The following MSRA variants were observed in gnomAD, a reference collection of about 807,000 sequenced individuals.
The protein encoded by MSRA is mitochondrial peptide methionine sulfoxide reductase.
In MSRA, 54 loss-of-function variants were observed where a neutral mutation model predicts 31.3. That is an observed-to-expected ratio of 1.73 (90% CI 1.39 to 2.17). MSRA has a LOEUF of 2.17. Ranked by LOEUF, MSRA falls within the 30% of genes most tolerant of loss-of-function variation. The pLI, the probability that MSRA is intolerant of heterozygous loss-of-function variation, is 0.00. For missense variants in MSRA, 507 were observed against 300.9 expected (o/e 1.69, Z -5.07); for synonymous variants, 169 against 116.5 (o/e 1.45, Z -2.90).
rs368127164 is a variant in MSRA, at chr8:10,138,239, G to A, written c.143-69594G>A. Among the ~76,000 whole-genome samples, 22 of 152,286 alleles carry A rather than the reference G, an allele frequency of 1.4e-4. No homozygotes were observed. In the South Asian group the frequency reaches 4.6e-3, roughly 32 times the overall value. ...TTTAAAATGGATATCTCTTTGAGAGGTAATTCATTGGTGTCAGCTGGTTTC... is the reference window on the plus strand; with the variant it reads ...TTTAAAATGGATATCTCTTTGAGAGATAATTCATTGGTGTCAGCTGGTTTC... On this transcript the variant is annotated intron_variant, in intron 1 of 5. Coordinates refer to ENST00000317173, the MANE Select transcript of MSRA (RefSeq NM_012331.5).
chr8:10,085,260 C>G (rs1261125302), intron 1 of MSRA, among the ~76,000 whole-genome samples: 3 of 152,160 alleles, frequency 2.0e-5, no homozygotes, highest in South Asian at 4.1e-4. Flanking sequence ...GAATACCCAC[C>G]CTATTCCACG....
At chr8:10,154,026 T>C (rs1399948927) in intron 1 of MSRA, among the ~76,000 whole-genome samples, 5 of 152,216 alleles carry the variant, frequency 3.3e-5, no homozygotes, top group Admixed American at 3.3e-4. Context: ...ACCAATGTGG[T>C]CTTGGCTTCA....
rs562504237 is a variant in MSRA at position 10,129,937 on chromosome 8, T to C, written c.142+75279T>C. Among the ~76,000 whole-genome samples, 17 of 152,272 alleles carry C rather than the reference T, an allele frequency of 1.1e-4. No homozygotes were observed. In the South Asian group the frequency reaches 3.5e-3, roughly 32 times the overall value. ...ATATCTATATATAAAACCTGTGACA[T>C]AAAATATATAGAAGCAACTTGGATA... is the stretch of plus-strand genomic sequence containing the variant. On this transcript the variant is annotated intron_variant, in intron 1 of 5. Transcript: ENST00000317173.
At chr8:10,228,125 G>A (rs375795477) in intron 2 of MSRA, among the ~76,000 whole-genome samples, 17 of 152,256 alleles carry the variant, frequency 1.1e-4, no homozygotes, top group African/African-American at 3.6e-4. Context: ...GCTGTCTCTC[G>A]TCCACTGAGC....
chr8:10,336,954 G>A (rs575180518), intron 5 of MSRA: 1 of 152,196 alleles, frequency 6.6e-6, no homozygotes, highest in Non-Finnish European at 1.5e-5. Context: ...TGGTAGCAGG[G>A]CTGAGTCCTA....
At chr8:10,243,266 G>T (rs1033760772) in intron 2 of MSRA, among the ~76,000 whole-genome samples, 1 of 152,030 alleles carries the variant, frequency 6.6e-6, no homozygotes, top group Non-Finnish European at 1.5e-5. Context: ...CTTTAGGGGT[G>T]GGCTGCCTTC....
intron 1 of MSRA, chr8:10,095,513 G>A (rs946188544): frequency 6.1e-6 from 6 of 985,446 alleles, no homozygotes; most frequent in Non-Finnish European, 7.2e-6. Flanking sequence ...CTGGACCTCC[G>A]CCAAGACTGC....
At position 10,405,009 on chromosome 8, in the gene MSRA, G is replaced by A. The variant is rs539225601; in HGVS notation, c.544-23139G>A. On this transcript the variant is annotated intron_variant, in intron 5 of 5. Transcript: ENST00000317173. ...GTCACAGGCTCCAGATGTGGGGCCT[G>A]GGCCACCCTGTGCTCCCTCTCATCT... 5.3e-5 allele frequency among the ~76,000 whole-genome samples: 8 copies of A among 152,310 alleles called. No individual in the cohort carries two copies. The South Asian group carries it at 1.2e-3, about 24-fold the overall frequency.
intron 2 of MSRA, among the ~76,000 whole-genome samples, chr8:10,216,354 A>G (rs1360673611): frequency 6.6e-6 from 1 of 152,240 alleles, no homozygotes; most frequent in African/African-American, 2.4e-5. Context: ...GTTTCCTAGC[A>G]GCAACATGAA....
At chr8:10,123,796 C>T (rs1033903182) in intron 1 of MSRA, among the ~76,000 whole-genome samples, 2 of 151,986 alleles carry the variant, frequency 1.3e-5, no homozygotes, top group African/African-American at 4.8e-5. Flanking sequence ...TGTTGAAGAT[C>T]AGATTGTTGT....
In MSRA at chr8:10,218,059, A is replaced by G. The variant is rs146949976; in HGVS notation, c.211+10158A>G. 6.6e-3 allele frequency among the ~76,000 whole-genome samples: 998 copies of G among 151,958 alleles called. 11 individuals are homozygous for G. Among genetic ancestry groups the G allele is most frequent in the African/African-American group, 0.023 (957 of 41,480 alleles). On this transcript the variant is annotated intron_variant, in intron 2 of 5. Transcript: ENST00000317173. ...ACCGAGAGTGAGAGGGCTGATCAGC[A>G]TCTGTAAGTGGTGGTGTGTTTCATT...
At chr8:10,121,951 G>A (rs572297939) in intron 1 of MSRA, among the ~76,000 whole-genome samples, 83 of 151,860 alleles carry the variant, frequency 5.5e-4, no homozygotes, top group African/African-American at 2.0e-3. Flanking sequence ...AAAGTACTGG[G>A]GTTACAGGCA....
At chr8:10,176,650 A>G (rs989316213) in intron 1 of MSRA, among the ~76,000 whole-genome samples, 3 of 152,224 alleles carry the variant, frequency 2.0e-5, no homozygotes, top group African/African-American at 7.2e-5. Context: ...GAATAAAGGT[A>G]CAGAAATTTG....
intron 3 of MSRA, among the ~76,000 whole-genome samples, chr8:10,256,587 A>G (rs1265112304): frequency 6.6e-6 from 1 of 152,164 alleles, no homozygotes; most frequent in Non-Finnish European, 1.5e-5. Context: ...AGCACTTAAC[A>G]TTGAAACTTA....
At chr8:10,342,114 T>C (rs1803464472) in intron 5 of MSRA, among the ~76,000 whole-genome samples, 1 of 152,212 alleles carries the variant, frequency 6.6e-6, no homozygotes, top group Admixed American at 6.5e-5. Flanking sequence ...TAATCAGCTG[T>C]GCAAAAGCAA....
intron 1 of MSRA, among the ~76,000 whole-genome samples, chr8:10,094,199 A>G (rs77883047): frequency 1.5e-3 from 225 of 152,312 alleles, no homozygotes; most frequent in Middle Eastern, 3.4e-3. Context: ...TTATTGATCT[A>G]TCAACTTTAT....
intron 1 of MSRA, among the ~76,000 whole-genome samples, chr8:10,113,974 TC>T (rs1438504126): frequency 1.3e-5 from 2 of 152,136 alleles, no homozygotes; most frequent in Non-Finnish European, 2.9e-5. Flanking sequence ...ATTCTCCTCT[TC>T]CCCCTGTCCT....
At chr8:10,227,724 G>A (rs1811119416) in intron 2 of MSRA, among the ~76,000 whole-genome samples, 1 of 152,186 alleles carries the variant, frequency 6.6e-6, no homozygotes, top group African/African-American at 2.4e-5. Flanking sequence ...AATTAAAGCA[G>A]CATTAGGAAT....
intron 3 of MSRA, among the ~76,000 whole-genome samples, chr8:10,249,597 G>C (rs1036117314): frequency 6.6e-6 from 1 of 152,092 alleles, no homozygotes; most frequent in African/African-American, 2.4e-5. Flanking sequence ...GATGTTTTGG[G>C]CCTGAATTCT....
Sources: gnomAD v4.1 joint callset for allele counts (sites outside exome capture counted in the v4.1 genomes callset) on GRCh38, gnomAD v4.1.1 for gene constraint, MANE v1.5 for transcripts, NCBI Gene and HGNC (gene_info 2026-07-23, HGNC 2026-07-21) for gene names.